Variants in TNS1 observed in about 807,000 individuals in gnomAD.
TNS1 encodes tensin-1.
TNS1 carries 62 observed loss-of-function variants against 168.6 expected under a neutral mutation model. The ratio of observed to expected loss-of-function variants is 0.37; its 90% confidence interval spans 0.30 to 0.45. The LOEUF (loss-of-function observed/expected upper bound fraction) is 0.45. Among genes scored for constraint, TNS1 ranks in the 20% least tolerant of loss-of-function variants. The pLI is 1.00. For missense variants in TNS1, 2,240 were observed against 2,339.4 expected (o/e 0.96, Z 0.88); for synonymous variants, 934 against 933.2 (o/e 1.00, Z -0.02).
intron 2 of TNS1, among the ~76,000 whole-genome samples, chr2:217,988,758 C>A (rs562748417): frequency 2.0e-5 from 3 of 152,156 alleles, no homozygotes; most frequent in Non-Finnish European, 4.4e-5. Context: ...TTTCCCTCCC[C>A]CTGAGAGCCC....
At chr2:218,017,184 G>T (rs1958769710) in intron 1 of TNS1, among the ~76,000 whole-genome samples, 2 of 152,172 alleles carry the variant, frequency 1.3e-5, no homozygotes, top group African/African-American at 2.4e-5. Context: ...CCTGGCCAAG[G>T]ATCTCATGGA....
rs1958781786 is a variant in TNS1 at position 218,018,531 on chromosome 2, C to T, written c.156+15289G>A. Among the ~76,000 whole-genome samples, 5 of 152,248 alleles carry T rather than the reference C, an allele frequency of 3.3e-5. No homozygotes were observed. In the South Asian group the frequency reaches 1.0e-3, roughly 32 times the overall value. On this transcript the variant is annotated intron_variant, in intron 1 of 1. Coordinates refer to the TNS1 transcript ENST00000649572. ...ATCTTAGACCCCATGGGGAACGAGG[C>T]CGCTTCTCACGCAGACATCTGCTCC...
chr2:217,872,519 C>T (rs1949859648), intron 18 of TNS1, among the ~76,000 whole-genome samples: 1 of 152,224 alleles, frequency 6.6e-6, no homozygotes, highest in Non-Finnish European at 1.5e-5. Context: ...CCCTTTCACA[C>T]CCACTAGGAT....
At chr2:217,921,220 C>T (rs754562472) in intron 3 of TNS1, among the ~76,000 whole-genome samples, 7 of 152,198 alleles carry the variant, frequency 4.6e-5, no homozygotes, top group Non-Finnish European at 8.8e-5. Context: ...AACCTTGGCT[C>T]CGATTCCCAA....
chr2:218,015,092 C>T (rs956079319), upstream of TNS1, among the ~76,000 whole-genome samples: 2 of 152,166 alleles, frequency 1.3e-5, no homozygotes, highest in South Asian at 2.1e-4. Flanking sequence ...TCCACACACC[C>T]CCTGGTGAGA....
Position 217,854,360 on chromosome 2 carries a change from C to T in TNS1, c.1430-5273G>A, listed in dbSNP as rs180804360. On this transcript the variant is annotated intron_variant, in intron 18 of 32. Transcript: ENST00000682258. ...TGGCAATGACTCAGTGAAGACAGAC[C>T]CTTCCCTGTCGGACCAGCAGGTAGG... is the stretch of plus-strand genomic sequence containing the variant. Among the ~76,000 whole-genome samples the T allele has an allele frequency of 7.2e-5, 11 of 152,292 alleles. No homozygotes were observed. The East Asian group carries it at 2.1e-3, about 29-fold the overall frequency.
chr2:217,919,872 T>G (rs113183186), intron 4 of TNS1, among the ~76,000 whole-genome samples: 1 of 152,164 alleles, frequency 6.6e-6, no homozygotes, highest in East Asian at 1.9e-4. Flanking sequence ...CAGAAGGAGA[T>G]GCCGTGGCAG....
chr2:217,806,545 G>C (rs778821491), intron 32 of TNS1, among the ~76,000 whole-genome samples: 2 of 152,094 alleles, frequency 1.3e-5, no homozygotes, highest in Non-Finnish European at 2.9e-5. Context: ...TTCTTCCCTC[G>C]CAGGGCCCTG....
chr2:217,897,214 G>A (rs1344172354), intron 8 of TNS1, among the ~76,000 whole-genome samples: 2 of 152,080 alleles, frequency 1.3e-5, no homozygotes, highest in African/African-American at 2.4e-5. Context: ...GCCTTTCTGC[G>A]TTAGTGGAGA....
At chr2:217,981,281 A>G (rs931323440) in intron 2 of TNS1, among the ~76,000 whole-genome samples, 3 of 152,232 alleles carry the variant, frequency 2.0e-5, no homozygotes, top group Non-Finnish European at 4.4e-5. Context: ...CAGGCAGATC[A>G]GCCCTGTGCC....
intron 22 of TNS1, chr2:217,829,818 A>G (rs1442056678): frequency 1.2e-6 from 2 of 1,613,828 alleles, no homozygotes; most frequent in East Asian, 4.5e-5. Context: ...CCCAGAGAGC[A>G]GGAAGTCACA....
chr2:217,842,086 T>C (rs1373763075), intron 19 of TNS1: 7 of 702,918 alleles, frequency 1.0e-5, no homozygotes, highest in Admixed American at 2.0e-5. Flanking sequence ...CCATGCCAGT[T>C]CCTATGCTGG....
intron 3 of TNS1, among the ~76,000 whole-genome samples, chr2:217,975,069 C>G (rs1957861889): frequency 6.6e-6 from 1 of 152,194 alleles, no homozygotes; most frequent in Admixed American, 6.5e-5. Flanking sequence ...TTCATTCACT[C>G]TTGGGAAACC....
intron 24 of TNS1, among the ~76,000 whole-genome samples, chr2:217,816,762 G>A (rs773802208): frequency 1.3e-5 from 2 of 152,162 alleles, no homozygotes; most frequent in Non-Finnish European, 2.9e-5. Context: ...CCCGGTGGGC[G>A]GCAGGAAACA....
chr2:217,813,901 C>T lies in TNS1; in HGVS notation c.4730-85G>A. On this transcript the variant is annotated intron_variant, in intron 25 of 32. Transcript: ENST00000682258. The surrounding 1 kb of genome is among the most constrained non-coding windows in gnomAD (Gnocchi z 4.0). Reference sequence around the variant, plus strand: ...CTTAAGTCTCATTGAGCCTACCGACCTTCGTTCTTTCTTAGGTGAGACAAA... The same window carrying T: ...CTTAAGTCTCATTGAGCCTACCGACTTTCGTTCTTTCTTAGGTGAGACAAA... 7.0e-7 allele frequency: 1 copy of T among 1,427,712 alleles called. No homozygotes were observed. The allele number at this position is 1,427,712 out of a possible 1,614,324, so 88.4% of individuals were successfully genotyped here. A position where few individuals can be genotyped will look rare whatever the true frequency, so the allele number is the denominator to read the frequency against.
chr2:217,840,772 A>C (rs1311154810), intron 19 of TNS1, among the ~76,000 whole-genome samples: 1 of 152,208 alleles, frequency 6.6e-6, no homozygotes, highest in Non-Finnish European at 1.5e-5. Context: ...GGAGTGCTGG[A>C]CTGTCCAGAG....
chr2:218,029,281 ATCT>A (rs1234705021), intron 1 of TNS1, among the ~76,000 whole-genome samples: 1 of 148,188 alleles, frequency 6.7e-6, no homozygotes, highest in African/African-American at 2.4e-5. Context: ...ATGCTAGAGA[ATCT>A]TCTCCCATCC....
intron 31 of TNS1, 111 bp from the exon 32 acceptor site, chr2:217,808,218 C>T (rs912312394): frequency 9.8e-6 from 13 of 1,324,960 alleles, no homozygotes; most frequent in African/African-American, 1.5e-5. Context: ...AGCTGCCCCC[C>T]ATTCCCCCCT....
At chr2:217,804,853 C>T (rs903907054) in intron 32 of TNS1, among the ~76,000 whole-genome samples, 2 of 151,944 alleles carry the variant, frequency 1.3e-5, no homozygotes, top group African/African-American at 2.4e-5. Flanking sequence ...TGAAGGGGTG[C>T]GAGGGGAGCT....
Sources: allele counts gnomAD v4.1 joint callset (sites outside exome capture counted in the v4.1 genomes callset), GRCh38; gene constraint gnomAD v4.1.1; non-coding constraint Gnocchi (gnomAD v3.1); transcripts MANE v1.5; gene names NCBI Gene and HGNC (gene_info 2026-07-23, HGNC 2026-07-21).